SYNE1: variants seen among roughly 807,000 people sequenced by gnomAD.
The protein encoded by SYNE1 is spectrin repeat containing nuclear envelope protein 1.
In SYNE1, 616 loss-of-function variants were observed where a neutral mutation model predicts 1,111.0. That is an observed-to-expected ratio of 0.55 (90% confidence interval 0.52 to 0.59). SYNE1 has a LOEUF of 0.59. SYNE1 is among the 20% of genes least tolerant of loss of function. The pLI is 0.00. For synonymous variants in SYNE1, 3,855 were observed against 3,825.8 expected (o/e 1.01, Z -0.28); for missense variants, 10,006 against 10,417.0 (o/e 0.96, Z 1.72).
chr6:152,171,554 A>G (rs2065208139), intron 130 of SYNE1, among the ~76,000 whole-genome samples: 1 of 152,204 alleles, frequency 6.6e-6, no homozygotes. Context: ...AGCCCGTAAG[A>G]AGAATCTGAT....
At chr6:152,555,070 T>A (rs923829009) in intron 3 of SYNE1, among the ~76,000 whole-genome samples, 15 of 152,160 alleles carry the variant, frequency 9.9e-5, no homozygotes, top group African/African-American at 3.6e-4. Context: ...GGAAGTGAGA[T>A]TTTGAAAAAG....
intron 78 of SYNE1, among the ~76,000 whole-genome samples, chr6:152,328,831 C>T (rs994576458): frequency 3.3e-5 from 5 of 152,260 alleles, no homozygotes; most frequent in East Asian, 3.9e-4. Flanking sequence ...CAAGTAATTA[C>T]GAGTATTCTA....
rs773786071 is a variant in SYNE1 at position 152,293,667 on chromosome 6, T to G, written c.17933A>C (p.Lys5978Thr). 2.5e-6 allele frequency: 4 copies of G among 1,614,118 alleles called. No individual in the cohort carries two copies. The highest frequency in any genetic ancestry group is 1.7e-5 in the Admixed American group (1 of 60,016). ...GAGTTTCAGCTCAATGGCCTCCATCTTCGTAGAGATGGACTGGAGGGAGTC... is the reference window on the plus strand; with the variant it reads ...GAGTTTCAGCTCAATGGCCTCCATCGTCGTAGAGATGGACTGGAGGGAGTC... ...YQDSLQSIST[K>T]MEAIELKLSE... The change falls in exon 95 of 146, where the codon AAG becomes ACG. Residue 5978 changes from lysine (K) to threonine (T), a missense_variant. Physicochemically the swap from Lys to Thr is moderately conservative, Grantham distance 78. Coordinates refer to ENST00000367255, the MANE Select transcript of SYNE1 (RefSeq NM_182961.4).
chr6:152,258,587 A>T (rs969148414), intron 101 of SYNE1, among the ~76,000 whole-genome samples: 2 of 151,738 alleles, frequency 1.3e-5, no homozygotes, highest in East Asian at 3.9e-4. Flanking sequence ...TAAATACAAG[A>T]CTCCTAGACT....
chr6:152,528,314 A>G (rs181388179), intron 4 of SYNE1, among the ~76,000 whole-genome samples: 2 of 149,630 alleles, frequency 1.3e-5, no homozygotes, highest in African/African-American at 2.6e-5. Context: ...GACTGAATGA[A>G]TGAATGAATG....
At position 152,122,925 on chromosome 6, in the gene SYNE1, C is replaced by T. The variant is rs74426520; in HGVS notation, c.26154-249G>A. Among the ~76,000 whole-genome samples the T allele has an allele frequency of 4.3e-3, 648 of 152,318 alleles. 5 individuals are homozygous for T. The highest frequency in any genetic ancestry group is 0.015 in the African/African-American group (627 of 41,556). ...CGTAAGTAATTAGGTTCAAATTCTACTCCTTTTACCCCTTAATGTGGTGAA... is the reference window on the plus strand; with the variant it reads ...CGTAAGTAATTAGGTTCAAATTCTATTCCTTTTACCCCTTAATGTGGTGAA... On this transcript the variant is annotated intron_variant, in intron 145 of 145. Coordinates refer to ENST00000367255, the MANE Select transcript of SYNE1 (RefSeq NM_182961.4).
intron 74 of SYNE1, among the ~76,000 whole-genome samples, chr6:152,339,653 C>T (rs772987497): frequency 2.0e-5 from 3 of 152,222 alleles, no homozygotes; most frequent in Non-Finnish European, 2.9e-5. Context: ...AGATTATTTG[C>T]TCACATGCCA....
At chr6:152,460,596 CTT>C (rs963267739) in intron 21 of SYNE1, among the ~76,000 whole-genome samples, 3 of 151,920 alleles carry the variant, frequency 2.0e-5, no homozygotes, top group Admixed American at 1.3e-4. Flanking sequence ...TCACTTCTCT[CTT>C]TTACTAGAAA....
At chr6:152,344,043 A>G in intron 74 of SYNE1, 38 bp downstream of exon 74, 2 of 1,613,834 alleles carry the variant, frequency 1.2e-6, no homozygotes, top group Non-Finnish European at 1.7e-6. Context: ...GCTCTGAATG[A>G]TTCACAAGAA....
rs117636582 is a variant in SYNE1, at chr6:152,206,651, G to A, written c.22825-289C>T. 0.011 allele frequency among the ~76,000 whole-genome samples: 1,723 copies of A among 152,250 alleles called. 20 individuals are homozygous for A. The highest frequency in any genetic ancestry group is 0.016 in the Non-Finnish European group (1,084 of 68,028). ...TGACCCAGCAGGGGGCGCACCAAGAGGCAGAGAGGCTTCCTCAAAGCAGTA... is the reference window on the plus strand; with the variant it reads ...TGACCCAGCAGGGGGCGCACCAAGAAGCAGAGAGGCTTCCTCAAAGCAGTA... On this transcript the variant is annotated intron_variant, in intron 125 of 145. Coordinates refer to ENST00000367255, the MANE Select transcript of SYNE1 (RefSeq NM_182961.4).
intron 39 of SYNE1, among the ~76,000 whole-genome samples, chr6:152,420,135 A>G (rs1162240460): frequency 6.6e-6 from 1 of 152,186 alleles, no homozygotes; most frequent in Non-Finnish European, 1.5e-5. Flanking sequence ...GTCTTTAACC[A>G]TGGCTAGCCT....
chr6:152,217,550 A>G (rs770100188), intron 121 of SYNE1, among the ~76,000 whole-genome samples: 43 of 152,174 alleles, frequency 2.8e-4, no homozygotes, highest in Non-Finnish European at 5.0e-4. Context: ...AAAAAAGGTC[A>G]TTCTGACAGC....
chr6:152,572,026 T>C (rs1015167652), intron 3 of SYNE1, among the ~76,000 whole-genome samples: 5 of 152,040 alleles, frequency 3.3e-5, no homozygotes, highest in African/African-American at 4.8e-5. Flanking sequence ...GGGGTTGGGG[T>C]GGGGGCAGCT....
intron 91 of SYNE1, chr6:152,302,305 G>A (rs1589622378): frequency 1.7e-6 from 1 of 593,120 alleles, no homozygotes; most frequent in East Asian, 2.9e-5. Context: ...TACAAAAGGA[G>A]AAATGAGGGG....
chr6:152,409,581 T>G lies in SYNE1; in HGVS notation c.6359A>C (p.Asp2120Ala). The change falls in exon 43 of 146, where the codon GAT (aspartate) becomes GCT (alanine). Residue 2120 changes from aspartate (D) to alanine (A), a missense_variant. Physicochemically the swap from Asp to Ala is moderately radical, Grantham distance 126. This residue lies in a region of SYNE1 where 4,955 missense variants were observed against 5,017.2 expected (regional missense o/e 0.99). Transcript: ENST00000367255. ...TACCTTGGAAAAAGCCCATTTAAGATCCTCCTGATCTTTTATGGTAGTTCT... is the reference window on the plus strand; with the variant it reads ...TACCTTGGAAAAAGCCCATTTAAGAGCCTCCTGATCTTTTATGGTAGTTCT... Reference protein sequence around the residue: ...VTRTTIKDQEDLKWAFSKHET... With the variant: ...VTRTTIKDQEALKWAFSKHET... 6.2e-7 allele frequency: 1 copy of G among 1,613,802 alleles called. No homozygotes were observed. The highest frequency in any genetic ancestry group is 8.5e-7 in the Non-Finnish European group (1 of 1,179,958).
intron 8 of SYNE1, 101 bp from the exon 9 acceptor site, chr6:152,505,498 G>A (rs2099053048): frequency 8.0e-7 from 1 of 1,247,380 alleles, no homozygotes; most frequent in Non-Finnish European, 1.1e-6. Context: ...CCAACGATAT[G>A]CAGAGAGCTG....
intron 124 of SYNE1, among the ~76,000 whole-genome samples, chr6:152,210,784 G>A (rs1326107762): frequency 6.6e-6 from 1 of 152,104 alleles, no homozygotes; most frequent in Non-Finnish European, 1.5e-5. Context: ...AATATAGTAT[G>A]AAATTGTCAT....
intron 3 of SYNE1, among the ~76,000 whole-genome samples, chr6:152,569,589 G>T (rs2099435088): frequency 6.6e-6 from 1 of 152,104 alleles, no homozygotes; most frequent in Admixed American, 6.6e-5. Context: ...AACTAGATTT[G>T]CATATCTGTA....
At chr6:152,363,533 A>C (rs1037380588) in intron 63 of SYNE1, among the ~76,000 whole-genome samples, 6 of 151,074 alleles carry the variant, frequency 4.0e-5, no homozygotes, top group African/African-American at 1.2e-4. Context: ...AAATAAATAA[A>C]TAAATAAATA....
Sources: gnomAD v4.1 joint callset for allele counts (sites outside exome capture counted in the v4.1 genomes callset) on GRCh38, gnomAD v4.1.1 for gene constraint, gnomAD v4.1.1 regional missense constraint, MANE v1.5 for transcripts, NCBI Gene and HGNC (gene_info 2026-07-23, HGNC 2026-07-21) for gene names.